Variants in SMAP1 observed in about 807,000 individuals in gnomAD.
SMAP1 encodes the protein small ArfGAP 1, also known as stromal membrane-associated protein 1.
In SMAP1, 24 loss-of-function variants were observed where a neutral mutation model predicts 58.5. That is an observed-to-expected ratio of 0.41 (90% CI 0.30 to 0.58). The LOEUF is 0.58. Ranked by LOEUF, SMAP1 falls within the 20% of genes least tolerant of loss-of-function variation. The pLI, the probability that SMAP1 is intolerant of heterozygous loss-of-function variation, is 0.29. For missense variants in SMAP1, 563 were observed against 566.3 expected (o/e 0.99, Z 0.06); for synonymous variants, 216 against 196.6 (o/e 1.10, Z -0.82).
intron 1 of SMAP1, among the ~76,000 whole-genome samples, chr6:70,731,027 T>TGAC (rs1197696299): frequency 1.3e-5 from 2 of 152,210 alleles, no homozygotes; most frequent in Non-Finnish European, 2.9e-5. Flanking sequence ...CTCAAACTCC[T>TGAC]GACCTCAAGT....
intron 3 of SMAP1, among the ~76,000 whole-genome samples, chr6:70,766,587 G>A (rs1172263011): frequency 6.6e-6 from 1 of 152,056 alleles, no homozygotes; most frequent in Non-Finnish European, 1.5e-5. Flanking sequence ...ACTTTTTGAT[G>A]GGGTGGTTTG....
chr6:70,835,119 G>A (rs1188843681), intron 6 of SMAP1, among the ~76,000 whole-genome samples: 2 of 151,406 alleles, frequency 1.3e-5, no homozygotes, highest in Non-Finnish European at 2.9e-5. Context: ...GGGTGTGGTG[G>A]TGGGCACCTG....
chr6:70,854,735 G>C (rs534763209), intron 8 of SMAP1, among the ~76,000 whole-genome samples: 2 of 152,200 alleles, frequency 1.3e-5, no homozygotes, highest in East Asian at 3.9e-4. Flanking sequence ...TAGTCATTTT[G>C]GTGGGTTTTT....
intron 6 of SMAP1, among the ~76,000 whole-genome samples, chr6:70,822,373 C>T (rs1769927508): frequency 6.6e-6 from 1 of 152,032 alleles, no homozygotes; most frequent in Non-Finnish European, 1.5e-5. Context: ...ATGATGAGAA[C>T]CTGAGAGACA....
In SMAP1 at chr6:70,701,478, A is replaced by G. The variant is rs559989759; in HGVS notation, c.119-30900A>G. Among the ~76,000 whole-genome samples, 5 of 152,104 alleles carry G rather than the reference A, an allele frequency of 3.3e-5. No individual in the cohort carries two copies. In the East Asian group the frequency reaches 9.6e-4, roughly 29 times the overall value. ...GTGGCCAAGACTGCCTTTCAAGTTTATTTAGGACCCTAGAGTGCTTTAGCA... is the reference window on the plus strand; with the variant it reads ...GTGGCCAAGACTGCCTTTCAAGTTTGTTTAGGACCCTAGAGTGCTTTAGCA... On this transcript the variant is annotated intron_variant, in intron 1 of 10. Transcript: ENST00000370455.
intron 3 of SMAP1, among the ~76,000 whole-genome samples, chr6:70,771,419 A>C (rs942105893): frequency 3.9e-5 from 6 of 152,218 alleles, no homozygotes; most frequent in African/African-American, 1.2e-4. Context: ...TGGAGCTTCC[A>C]GGCTGCTTTG....
chr6:70,857,158 C>G (rs1342717705), intron 9 of SMAP1, 128 bp downstream of exon 9: 1 of 929,122 alleles, frequency 1.1e-6, no homozygotes, highest in Non-Finnish European at 1.5e-6. Context: ...GCAGTTTATA[C>G]AACTATGAAG....
chr6:70,747,862 T>C (rs1485256064), intron 2 of SMAP1, among the ~76,000 whole-genome samples: 1 of 152,164 alleles, frequency 6.6e-6, no homozygotes, highest in Non-Finnish European at 1.5e-5. Flanking sequence ...GATAAATCAA[T>C]ATCTGAGAAT....
At chr6:70,831,738 A>G (rs1770367624) in intron 6 of SMAP1, among the ~76,000 whole-genome samples, 1 of 152,106 alleles carries the variant, frequency 6.6e-6, no homozygotes, top group Non-Finnish European at 1.5e-5. Context: ...ACGTGTGGAT[A>G]TGTATTTATG....
chr6:70,837,401 A>T (rs894755290), intron 7 of SMAP1, among the ~76,000 whole-genome samples: 9 of 152,108 alleles, frequency 5.9e-5, no homozygotes, highest in African/African-American at 2.2e-4. Flanking sequence ...TAGCAAAATA[A>T]TTCTAGGGTA....
chr6:70,713,264 A>G (rs374873720), intron 1 of SMAP1, among the ~76,000 whole-genome samples: 9 of 151,024 alleles, frequency 6.0e-5, no homozygotes, highest in African/African-American at 2.2e-4. Context: ...TCTATGCTTT[A>G]TTTGATTTAT....
Position 70,822,195 on chromosome 6 carries a change from G to A in SMAP1, c.577-14746G>A, listed in dbSNP as rs1769920014. 1.3e-5 allele frequency among the ~76,000 whole-genome samples: 2 copies of A among 152,132 alleles called. 1 individual carries two copies. The highest frequency in any genetic ancestry group is 4.1e-4 in the South Asian group (2 of 4,828). ...TTATACTTAAGAATGTTGCAGCCCAGGTGAAAGGGTCAACAATTAGATTAG... is the reference window on the plus strand; with the variant it reads ...TTATACTTAAGAATGTTGCAGCCCAAGTGAAAGGGTCAACAATTAGATTAG... On this transcript the variant is annotated intron_variant, in intron 6 of 10. Transcript: ENST00000370455.
intron 3 of SMAP1, among the ~76,000 whole-genome samples, chr6:70,767,712 T>C (rs1212609181): frequency 6.8e-6 from 1 of 147,300 alleles, no homozygotes; most frequent in Non-Finnish European, 1.5e-5. Flanking sequence ...CAATTTGACT[T>C]CCTCTTTTCC....
At chr6:70,853,741 G>C (rs1054817777) in intron 8 of SMAP1, among the ~76,000 whole-genome samples, 27 of 152,228 alleles carry the variant, frequency 1.8e-4, no homozygotes, top group Admixed American at 8.5e-4. Flanking sequence ...ATAAAAAAGA[G>C]AATATTGTTA....
intron 7 of SMAP1, among the ~76,000 whole-genome samples, chr6:70,844,322 C>CGT (rs76147825): frequency 3.9e-5 from 6 of 152,010 alleles, no homozygotes; most frequent in Admixed American, 2.6e-4. Context: ...AATCAGAGTG[C>CGT]GTGTGTGTGT....
intron 1 of SMAP1, among the ~76,000 whole-genome samples, chr6:70,715,807 T>C (rs1444649871): frequency 2.0e-5 from 3 of 152,158 alleles, no homozygotes; most frequent in African/African-American, 7.2e-5. Context: ...AGTTCTTTAG[T>C]GGTGATTTGT....
At chr6:70,781,595 C>T (rs557406382) in intron 4 of SMAP1, among the ~76,000 whole-genome samples, 3 of 152,218 alleles carry the variant, frequency 2.0e-5, no homozygotes, top group African/African-American at 7.2e-5. Flanking sequence ...AATCCATTGC[C>T]AATAATTAAT....
rs1771691264 is a variant in SMAP1, at chr6:70,860,871, T to C, written c.*537T>C. 5.1e-6 allele frequency: 2 copies of C among 393,796 alleles called. No individual in the cohort carries two copies. The highest frequency in any genetic ancestry group is 9.0e-6 in the Non-Finnish European group (2 of 223,176). The allele number at this position is 393,796 out of a possible 1,614,324, so 24.4% of individuals were successfully genotyped here. On this transcript the variant is annotated 3_prime_UTR_variant, in exon 11 of 11. Transcript: ENST00000370455. ...ATGATGTGCTTAACAGGGAACGTGA[T>C]TAGTGAAAGGAAGATAAACGTGGAT...
In SMAP1 at chr6:70,852,604, G is replaced by A. The variant is rs752634206; in HGVS notation, c.729G>A (p.Leu243=). The A allele has an allele frequency of 1.9e-6, 3 of 1,610,184 alleles. No individual in the cohort carries two copies. Among genetic ancestry groups the A allele is most frequent in the Non-Finnish European group, 2.5e-6 (3 of 1,178,098 alleles). ...CGGTGCCACCCCTGAACGATGATCT[G>A]GACATCTTTGGACCGATGATTTCTA... ...NTTVPPLNDD[L]DIFGPMISNP... Residue 243 remains leucine (L), a synonymous_variant, in exon 8 of 11, where the codon CTG becomes CTA. Transcript: ENST00000370455.
Sources: gnomAD v4.1 joint callset for allele counts (sites outside exome capture counted in the v4.1 genomes callset) on GRCh38, gnomAD v4.1.1 for gene constraint, MANE v1.5 for transcripts, NCBI Gene and HGNC (gene_info 2026-07-23, HGNC 2026-07-21) for gene names.